Variants in NR3C1 observed in about 807,000 individuals in gnomAD.
NR3C1 encodes the protein glucocorticoid receptor.
In NR3C1, 14 loss-of-function variants were observed where a neutral mutation model predicts 74.0. The observed-to-expected ratio is 0.19, with a 90% CI of 0.12 to 0.30. The LOEUF (loss-of-function observed/expected upper bound fraction) is 0.30. Ranked by LOEUF, NR3C1 falls within the 10% of genes least tolerant of loss-of-function variation. The pLI is 1.00. For missense variants in NR3C1, 695 were observed against 909.8 expected (o/e 0.76, Z 3.04); for synonymous variants, 308 against 332.5 (o/e 0.93, Z 0.80).
intron 2 of NR3C1, among the ~76,000 whole-genome samples, chr5:143,355,918 G>C (rs1831053344): frequency 6.6e-6 from 1 of 152,104 alleles, no homozygotes; most frequent in Non-Finnish European, 1.5e-5. Context: ...GCTGCCTGAA[G>C]CCAACTGGCA....
At chr5:143,405,430 G>A, upstream of NR3C1, 20 of 860,936 alleles carry the variant, frequency 2.3e-5, no homozygotes, top group Non-Finnish European at 2.7e-5. Flanking sequence ...CGCCATCTTG[G>A]TAGGGTACAG....
At chr5:143,392,975 A>T (rs1455084022) in intron 2 of NR3C1, among the ~76,000 whole-genome samples, 1 of 152,164 alleles carries the variant, frequency 6.6e-6, no homozygotes, top group Non-Finnish European at 1.5e-5. Context: ...GTGTTTTGTG[A>T]TCTTTACCTC....
chr5:143,346,009 A>G (rs1012715056), intron 2 of NR3C1, among the ~76,000 whole-genome samples: 2 of 152,206 alleles, frequency 1.3e-5, no homozygotes, highest in Admixed American at 6.5e-5. Flanking sequence ...TGGATCCCAA[A>G]TAAGTAGACC....
At chr5:143,329,815 AT>A (rs936167753) in intron 2 of NR3C1, among the ~76,000 whole-genome samples, 2 of 151,980 alleles carry the variant, frequency 1.3e-5, no homozygotes, top group Admixed American at 1.3e-4. Context: ...GGCTGACTAC[AT>A]TTTTTTTAAA....
At chr5:143,423,003 C>G (rs893410264) in intron 1 of NR3C1, among the ~76,000 whole-genome samples, 3 of 152,136 alleles carry the variant, frequency 2.0e-5, no homozygotes, top group African/African-American at 7.2e-5. Context: ...TACTTGCAGG[C>G]CTTCGATTTA....
At chr5:143,419,707 G>A (rs991216710) in intron 1 of NR3C1, among the ~76,000 whole-genome samples, 2 of 152,190 alleles carry the variant, frequency 1.3e-5, no homozygotes, top group Non-Finnish European at 2.9e-5. Flanking sequence ...GCAAATGGAG[G>A]CAGGGCGAAA....
chr5:143,418,743 A>G (rs1356691917), intron 1 of NR3C1, among the ~76,000 whole-genome samples: 1 of 152,176 alleles, frequency 6.6e-6, no homozygotes, highest in Admixed American at 6.5e-5. Context: ...AGGCAGGTAG[A>G]CATAAGCTCC....
chr5:143,412,899 T>C (rs1237058594), intron 1 of NR3C1, among the ~76,000 whole-genome samples: 2 of 152,208 alleles, frequency 1.3e-5, no homozygotes, highest in East Asian at 3.8e-4. Flanking sequence ...ACTTTGGTCT[T>C]CTGATGATTA....
chr5:143,317,139 G>A (rs1278624153), intron 2 of NR3C1, among the ~76,000 whole-genome samples: 2 of 152,108 alleles, frequency 1.3e-5, no homozygotes, highest in Admixed American at 6.5e-5. Flanking sequence ...GAGTAAGATA[G>A]CCTATAATGA....
intron 3 of NR3C1, 113 bp downstream of exon 3, chr5:143,313,889 C>T: frequency 8.7e-7 from 1 of 1,144,094 alleles, no homozygotes; most frequent in South Asian, 1.3e-5. Context: ...CCTCTCCCCT[C>T]TTAACTGATA....
At chr5:143,325,999 C>T (rs1824521651) in intron 2 of NR3C1, among the ~76,000 whole-genome samples, 1 of 152,182 alleles carries the variant, frequency 6.6e-6, no homozygotes, top group African/African-American at 2.4e-5. Flanking sequence ...ATACTGGAAA[C>T]TACTGACTTG....
chr5:143,399,612 C>G (rs749231481), intron 2 of NR3C1, 44 bp downstream of exon 2: 17 of 1,351,232 alleles, frequency 1.3e-5, no homozygotes, highest in African/African-American at 2.9e-5. Flanking sequence ...ATTAATCTAC[C>G]TTAAATGTAC....
At chr5:143,336,699 C>T (rs757802742) in intron 2 of NR3C1, among the ~76,000 whole-genome samples, 6 of 152,090 alleles carry the variant, frequency 3.9e-5, no homozygotes, top group African/African-American at 9.7e-5. Flanking sequence ...AGGCCAGGCG[C>T]GGTAGCTCAT....
intron 2 of NR3C1, among the ~76,000 whole-genome samples, chr5:143,354,697 C>T (rs1487491827): frequency 2.6e-5 from 4 of 152,018 alleles, no homozygotes; most frequent in Admixed American, 6.5e-5. Flanking sequence ...CCAAGGTGAG[C>T]GGATCACCTG....
intron 1 of NR3C1, among the ~76,000 whole-genome samples, chr5:143,419,444 G>A (rs984280729): frequency 9.2e-5 from 14 of 152,156 alleles, no homozygotes; most frequent in African/African-American, 2.7e-4. Flanking sequence ...AACCTGCCCC[G>A]ATAGTCACAT....
chr5:143,380,102 A>G (rs1835912819), intron 2 of NR3C1, among the ~76,000 whole-genome samples: 1 of 152,234 alleles, frequency 6.6e-6, no homozygotes. Flanking sequence ...TACAACAAAC[A>G]TAGCTACTTT....
intron 2 of NR3C1, among the ~76,000 whole-genome samples, chr5:143,331,241 C>T (rs962008841): frequency 6.6e-6 from 1 of 152,172 alleles, no homozygotes; most frequent in East Asian, 1.9e-4. Context: ...GATACCATCT[C>T]ACACCAGTCA....
intron 2 of NR3C1, among the ~76,000 whole-genome samples, chr5:143,335,893 G>A (rs1181050138): frequency 4.6e-5 from 7 of 152,174 alleles, no homozygotes; most frequent in Non-Finnish European, 8.8e-5. Flanking sequence ...GACAACTTTA[G>A]GGTTTATCAC....
At chr5:143,329,998 C>A (rs1393319449) in intron 2 of NR3C1, among the ~76,000 whole-genome samples, 1 of 152,094 alleles carries the variant, frequency 6.6e-6, no homozygotes, top group Non-Finnish European at 1.5e-5. Context: ...TTTGTCAATT[C>A]ACAATAACAG....
Sources: allele counts gnomAD v4.1 joint callset (sites outside exome capture counted in the v4.1 genomes callset), GRCh38; gene constraint gnomAD v4.1.1; transcripts MANE v1.5; gene names NCBI Gene and HGNC (gene_info 2026-07-23, HGNC 2026-07-21).